Variants in ZNF385D observed in about 807,000 individuals in gnomAD.
ZNF385D encodes zinc finger protein 385D.
A neutral mutation model predicts 35.8 loss-of-function variants in ZNF385D; 15 were observed. The observed-to-expected ratio is 0.42, with a 90% CI of 0.28 to 0.64. The LOEUF is 0.64. Among genes scored for constraint, ZNF385D ranks in the 30% least tolerant of loss-of-function variants. The pLI is 0.23. For synonymous variants in ZNF385D, 212 were observed against 186.8 expected, an observed-to-expected ratio of 1.13 and a Z score of -1.10; for missense variants, 474 against 494.6, an observed-to-expected ratio of 0.96 and a Z score of 0.39.
At chr3:22,354,422 C>T (rs1696057395) in intron 2 of ZNF385D, among the ~76,000 whole-genome samples, 1 of 152,034 alleles carries the variant, frequency 6.6e-6, no homozygotes, top group African/African-American at 2.4e-5. Flanking sequence ...CTTTGAAAAA[C>T]ACAAACTCAA....
chr3:21,904,492 C>T (rs9852317), intron 3 of ZNF385D, among the ~76,000 whole-genome samples: 12,866 of 152,018 alleles, frequency 0.085, 683 homozygotes, highest in South Asian at 0.21. Flanking sequence ...ATCATACATA[C>T]TGAGATACAA....
chr3:22,171,381 C>G (rs780659970), intron 2 of ZNF385D, among the ~76,000 whole-genome samples: 2 of 152,036 alleles, frequency 1.3e-5, no homozygotes, highest in East Asian at 3.9e-4. Flanking sequence ...TCTTTCAAGC[C>G]TCTGAGATTT....
At chr3:22,281,447 G>C (rs1156515207) in intron 2 of ZNF385D, among the ~76,000 whole-genome samples, 5 of 151,988 alleles carry the variant, frequency 3.3e-5, no homozygotes, top group East Asian at 1.9e-4. Flanking sequence ...AATCACAAAG[G>C]GATGCTGGAT....
chr3:21,909,805 G>A (rs773525015), intron 3 of ZNF385D, among the ~76,000 whole-genome samples: 15 of 152,018 alleles, frequency 9.9e-5, no homozygotes, highest in Non-Finnish European at 1.9e-4. Flanking sequence ...AATGGAAAAT[G>A]AGACTATGCA....
rs557814203 is a variant in ZNF385D at position 21,737,089 on chromosome 3, G to A, written c.22+13806C>T. 9.2e-5 allele frequency among the ~76,000 whole-genome samples: 14 copies of A among 152,232 alleles called. No individual in the cohort carries two copies. In the East Asian group the frequency reaches 1.6e-3, roughly 17 times the overall value. ...CGAGTAACTGGGATAACAGGCGCTTGCCACCACGCCTGGATAATTTTTGTA... is the reference window on the plus strand; with the variant it reads ...CGAGTAACTGGGATAACAGGCGCTTACCACCACGCCTGGATAATTTTTGTA... On this transcript the variant is annotated intron_variant, in intron 1 of 7. Coordinates refer to ENST00000281523, the MANE Select transcript of ZNF385D (RefSeq NM_024697.3).
chr3:21,970,631 G>C (rs1010649465), intron 3 of ZNF385D, among the ~76,000 whole-genome samples: 1 of 151,794 alleles, frequency 6.6e-6, no homozygotes, highest in Non-Finnish European at 1.5e-5. Context: ...GAGAGAAATT[G>C]AGGTAGAAAG....
intron 3 of ZNF385D, among the ~76,000 whole-genome samples, chr3:21,827,661 G>A (rs1694728044): frequency 6.6e-6 from 1 of 152,276 alleles, no homozygotes; most frequent in East Asian, 1.9e-4. Flanking sequence ...ATATATTGGA[G>A]TGCCTCTATT....
intron 3 of ZNF385D, among the ~76,000 whole-genome samples, chr3:21,889,534 A>G (rs942027703): frequency 1.3e-5 from 2 of 152,136 alleles, no homozygotes; most frequent in Non-Finnish European, 2.9e-5. Context: ...GCCATTTGAG[A>G]CTGCCATTTT....
chr3:21,492,690 G>A (rs558112371), intron 4 of ZNF385D, among the ~76,000 whole-genome samples: 12 of 151,636 alleles, frequency 7.9e-5, no homozygotes, highest in African/African-American at 2.4e-4. Flanking sequence ...AGGATGAGGC[G>A]GGAGAATTGA....
At chr3:21,966,063 C>T (rs576585600) in intron 3 of ZNF385D, among the ~76,000 whole-genome samples, 58 of 152,208 alleles carry the variant, frequency 3.8e-4, no homozygotes, top group Middle Eastern at 3.4e-3. Context: ...ATCTTTACTC[C>T]TTGTCTCTCT....
intron 3 of ZNF385D, among the ~76,000 whole-genome samples, chr3:21,947,734 T>C (rs1342778642): frequency 6.6e-6 from 1 of 152,178 alleles, no homozygotes; most frequent in Admixed American, 6.5e-5. Flanking sequence ...ATCTTTTTTC[T>C]ATCATCTGTA....
At position 22,152,922 on chromosome 3, in the gene ZNF385D, T is replaced by C. The variant is rs1705336609; in HGVS notation, c.325+15895A>G. 1.3e-5 allele frequency among the ~76,000 whole-genome samples: 2 copies of C among 152,154 alleles called. 1 individual carries two copies. Among genetic ancestry groups the C allele is most frequent in the South Asian group, 4.1e-4 (2 of 4,834 alleles). ...TACAACCAGGGACGTGGTGAAATCT[T>C]GCACTGGTTTTCAACAACCAATTGT... On this transcript the variant is annotated intron_variant, in intron 3 of 5. Transcript: ENST00000494108.
At chr3:21,815,722 C>G (rs531355595) in intron 3 of ZNF385D, among the ~76,000 whole-genome samples, 2 of 152,132 alleles carry the variant, frequency 1.3e-5, no homozygotes, top group South Asian at 4.1e-4. Flanking sequence ...CCGGACCAGA[C>G]GGATTCACAG....
chr3:22,096,117 AG>A (rs1274263800), intron 3 of ZNF385D, among the ~76,000 whole-genome samples: 6 of 150,490 alleles, frequency 4.0e-5, no homozygotes, highest in South Asian at 2.1e-4. Context: ...TGTTCATATA[AG>A]GTAAAAAAAA....
intron 3 of ZNF385D, among the ~76,000 whole-genome samples, chr3:22,011,371 A>G (rs968527977): frequency 3.9e-5 from 6 of 152,254 alleles, no homozygotes; most frequent in Admixed American, 3.9e-4. Context: ...TATATCTATC[A>G]TTAAAATAGT....
chr3:21,635,901 A>G lies in ZNF385D; in HGVS notation c.165+28985T>C, dbSNP rs934426995. Among the ~76,000 whole-genome samples, 4 of 152,014 alleles carry G rather than the reference A, an allele frequency of 2.6e-5. 1 individual carries two copies. In the East Asian group the frequency reaches 7.7e-4, roughly 29 times the overall value. On this transcript the variant is annotated intron_variant, in intron 2 of 7. Coordinates refer to ENST00000281523, the MANE Select transcript of ZNF385D (RefSeq NM_024697.3). Reference sequence around the variant, plus strand: ...AAATGTCATTAATTATTTCCTTTTTATGCCTGAGTAGTATTCCATTCTACA... The same window carrying G: ...AAATGTCATTAATTATTTCCTTTTTGTGCCTGAGTAGTATTCCATTCTACA...
chr3:22,188,970 A>G lies in ZNF385D; in HGVS notation c.107-19935T>C, dbSNP rs182569515. On this transcript the variant is annotated intron_variant, in intron 2 of 5. Transcript: ENST00000494108. ...GCTGGATTGCTGCTGAGCAGAGAAT[A>G]TACGCTGATTTAGAGCAAGTTCTCT... Among the ~76,000 whole-genome samples the G allele has an allele frequency of 2.1e-3, 323 of 152,290 alleles. 2 individuals are homozygous for G. The highest frequency in any genetic ancestry group is 7.5e-3 in the African/African-American group (311 of 41,574).
chr3:21,764,716 G>A (rs1465634097), intron 3 of ZNF385D, among the ~76,000 whole-genome samples: 2 of 152,116 alleles, frequency 1.3e-5, no homozygotes, highest in Non-Finnish European at 2.9e-5. Flanking sequence ...ACCCAGTTTA[G>A]CCCTCAAATG....
chr3:21,948,414 A>T (rs1426917353), intron 3 of ZNF385D, among the ~76,000 whole-genome samples: 2 of 152,078 alleles, frequency 1.3e-5, no homozygotes, highest in African/African-American at 4.8e-5. Flanking sequence ...TTTTCCACAG[A>T]TACTGATTTT....
Sources: allele counts gnomAD v4.1 joint callset (sites outside exome capture counted in the v4.1 genomes callset), GRCh38; gene constraint gnomAD v4.1.1; transcripts MANE v1.5; gene names NCBI Gene and HGNC (gene_info 2026-07-23, HGNC 2026-07-21).